Variants in EPS8 observed in about 807,000 individuals in gnomAD.
EPS8 encodes the protein epidermal growth factor receptor kinase substrate 8.
In EPS8, 42 loss-of-function variants were observed where a neutral mutation model predicts 103.8. The ratio of observed to expected loss-of-function variants is 0.40; its 90% CI spans 0.32 to 0.52. The LOEUF (loss-of-function observed/expected upper bound fraction) is 0.52. Ranked by LOEUF, EPS8 falls within the 20% of genes least tolerant of loss-of-function variation. The probability of loss-of-function intolerance (pLI) is 0.40; values close to 1 mark genes in which losing one functional copy is unlikely to be tolerated. For missense variants in EPS8, 969 were observed against 1,005.1 expected, an observed-to-expected ratio of 0.96 and a Z score of 0.49; for synonymous variants, 344 against 344.6, an observed-to-expected ratio of 1.00 and a Z score of 0.02.
At chr12:15,775,072 G>T (rs1385593555) in intron 1 of EPS8, among the ~76,000 whole-genome samples, 1 of 152,076 alleles carries the variant, frequency 6.6e-6, no homozygotes, top group African/African-American at 2.4e-5. Context: ...AGGTGTGTTA[G>T]AATGCGCTTG....
intron 3 of EPS8, among the ~76,000 whole-genome samples, chr12:15,674,312 A>G (rs57482407): frequency 0.023 from 3,493 of 152,328 alleles, 140 homozygotes; most frequent in African/African-American, 0.079. Flanking sequence ...GAAAAAAGTA[A>G]CATAAAAGCA....
rs949651587 is a variant in EPS8 at position 15,693,354 on chromosome 12, G to A, written c.-21-10382C>T. 2.0e-5 allele frequency among the ~76,000 whole-genome samples: 3 copies of A among 152,112 alleles called. No homozygotes were observed. The highest frequency in any genetic ancestry group is 7.2e-5 in the African/African-American group (3 of 41,416). On this transcript the variant is annotated intron_variant, in intron 1 of 20. Transcript: ENST00000281172. The surrounding 1 kb of genome is among the most constrained non-coding windows in gnomAD (Gnocchi z 5.6). ...TGTCTGTACCTTGGTATCCCCAACC[G>A]AGTTCTCTAGTTCACATTCTCCACA...
chr12:15,719,792 A>C (rs950686457), intron 1 of EPS8, among the ~76,000 whole-genome samples: 2 of 152,162 alleles, frequency 1.3e-5, no homozygotes, highest in Non-Finnish European at 2.9e-5. Flanking sequence ...CCAAGTCTTA[A>C]TCTTTATTTA....
intron 1 of EPS8, among the ~76,000 whole-genome samples, chr12:15,737,527 T>G (rs555360360): frequency 6.6e-6 from 1 of 152,184 alleles, no homozygotes; most frequent in African/African-American, 2.4e-5. Context: ...CTAATGTATA[T>G]GAACTCATTT....
intron 1 of EPS8, among the ~76,000 whole-genome samples, chr12:15,766,427 A>G (rs1004184764): frequency 2.6e-5 from 4 of 151,628 alleles, no homozygotes; most frequent in African/African-American, 9.7e-5. Flanking sequence ...CAGGAGGCGA[A>G]GGTTGCAGTG....
chr12:15,648,111 C>T (rs766961838), intron 14 of EPS8, among the ~76,000 whole-genome samples: 1 of 152,226 alleles, frequency 6.6e-6, no homozygotes, highest in Non-Finnish European at 1.5e-5. Flanking sequence ...CTGCTGCTCA[C>T]CTCCTGCAGT....
At chr12:15,665,639 T>C in intron 8 of EPS8, 117 bp downstream of exon 8, 1 of 1,334,096 alleles carries the variant, frequency 7.5e-7, no homozygotes, top group Non-Finnish European at 1.1e-6. Context: ...CCAGAGTTGA[T>C]TTTTTAAAAA....
At chr12:15,689,855 T>G (rs754941021) in intron 1 of EPS8, among the ~76,000 whole-genome samples, 4 of 152,198 alleles carry the variant, frequency 2.6e-5, no homozygotes, top group Admixed American at 6.5e-5. Context: ...AGGATGGTAG[T>G]TAGCAGAGGC....
chr12:15,705,036 T>C lies in EPS8; in HGVS notation c.-21-22064A>G, dbSNP rs533458611. ...ACATTGTATTCTACTTTAATAAAGATCAAGAAACACAATCTCTAATTTACA... is the reference window on the plus strand; with the variant it reads ...ACATTGTATTCTACTTTAATAAAGACCAAGAAACACAATCTCTAATTTACA... On this transcript the variant is annotated intron_variant, in intron 1 of 20. Transcript: ENST00000281172. 3.9e-5 allele frequency among the ~76,000 whole-genome samples: 6 copies of C among 152,272 alleles called. No homozygotes were observed. The East Asian group carries it at 1.2e-3, about 29-fold the overall frequency.
chr12:15,662,138 TCCCA>T (rs1945616718), intron 8 of EPS8, 39 bp from the exon 9 acceptor site: 3 of 1,583,198 alleles, frequency 1.9e-6, no homozygotes, highest in Non-Finnish European at 2.6e-6. Flanking sequence ...AATCTTTTAC[TCCCA>T]CAATACCAAT....
At position 15,688,240 on chromosome 12, in the gene EPS8, G is replaced by A. The variant is rs1374176948; in HGVS notation, c.-21-5268C>T. Among the ~76,000 whole-genome samples, 1 of 152,150 alleles carries A rather than the reference G, an allele frequency of 6.6e-6. No individual in the cohort carries two copies. The highest frequency in any genetic ancestry group is 2.4e-5 in the African/African-American group (1 of 41,426). Reference sequence around the variant, plus strand: ...ATCCTTAAAACAACATTATCAGCTAGTTATTGGCTCTATTTTATGGGTGAG... The same window carrying A: ...ATCCTTAAAACAACATTATCAGCTAATTATTGGCTCTATTTTATGGGTGAG... On this transcript the variant is annotated intron_variant, in intron 1 of 20. Coordinates refer to ENST00000281172, the MANE Select transcript of EPS8 (RefSeq NM_004447.6). The surrounding 1 kb of genome is among the most constrained non-coding windows in gnomAD (Gnocchi z 5.1).
At chr12:15,756,500 T>G (rs374588554) in intron 1 of EPS8, among the ~76,000 whole-genome samples, 43 of 152,266 alleles carry the variant, frequency 2.8e-4, no homozygotes, top group East Asian at 1.3e-3. Flanking sequence ...CTTTAAAGGC[T>G]CTATATAGTT....
chr12:15,778,458 G>C lies in EPS8; in HGVS notation c.-22+10703C>G, dbSNP rs1041210327. Among the ~76,000 whole-genome samples the C allele has an allele frequency of 7.9e-5, 12 of 152,066 alleles. No homozygotes were observed. The highest frequency in any genetic ancestry group is 2.7e-4 in the African/African-American group (11 of 41,412). On this transcript the variant is annotated intron_variant, in intron 1 of 20. Coordinates refer to ENST00000281172, the MANE Select transcript of EPS8 (RefSeq NM_004447.6). This position sits in a 1 kb window ranked among gnomAD's most constrained non-coding sequence, Gnocchi z 4.5. Reference sequence around the variant, plus strand: ...CTACTGACAAAATTAATGTTCTCTCGACTAAAAGGATCTTGATGTGCAAAA... The same window carrying C: ...CTACTGACAAAATTAATGTTCTCTCCACTAAAAGGATCTTGATGTGCAAAA...
chr12:15,624,608 T>C (rs1402232323), intron 18 of EPS8, among the ~76,000 whole-genome samples: 1 of 152,196 alleles, frequency 6.6e-6, no homozygotes, highest in Non-Finnish European at 1.5e-5. Context: ...CTCTAGTCTC[T>C]TCATTGTACT....
chr12:15,687,010 A>G (rs2135902730), intron 1 of EPS8, among the ~76,000 whole-genome samples: 1 of 152,274 alleles, frequency 6.6e-6, no homozygotes, highest in Admixed American at 6.5e-5. Context: ...AGTTACAACC[A>G]AGTGGGAGGG....
chr12:15,654,318 CAAG>C, intron 12 of EPS8, 25 bp from the exon 13 acceptor site: 4 of 1,606,696 alleles, frequency 2.5e-6, no homozygotes, highest in Non-Finnish European at 3.4e-6. Context: ...CATTTTTTAG[CAAG>C]AAGATTACTA....
At position 15,721,127 on chromosome 12, in the gene EPS8, A is replaced by C. The variant is rs1946590210; in HGVS notation, c.-21-38155T>G. 6.6e-6 allele frequency among the ~76,000 whole-genome samples: 1 copy of C among 152,222 alleles called. No homozygotes were observed. The highest frequency in any genetic ancestry group is 2.4e-5 in the African/African-American group (1 of 41,464). Reference sequence around the variant, plus strand: ...CTTAGTACAATAGTTGGCACATAATAGGTGAAGGCAATCAAAAATATGTCC... The same window carrying C: ...CTTAGTACAATAGTTGGCACATAATCGGTGAAGGCAATCAAAAATATGTCC... On this transcript the variant is annotated intron_variant, in intron 1 of 20. Coordinates refer to ENST00000281172, the MANE Select transcript of EPS8 (RefSeq NM_004447.6). The surrounding 1 kb of genome is among the most constrained non-coding windows in gnomAD (Gnocchi z 4.4).
intron 18 of EPS8, among the ~76,000 whole-genome samples, chr12:15,624,653 C>CT (rs922441629): frequency 1.3e-5 from 2 of 152,222 alleles, no homozygotes; most frequent in Non-Finnish European, 2.9e-5. Context: ...TTAAACCTAA[C>CT]TTTCTGCGTA....
intron 17 of EPS8, among the ~76,000 whole-genome samples, chr12:15,639,801 T>C (rs1337433229): frequency 2.0e-5 from 3 of 152,224 alleles, no homozygotes; most frequent in Admixed American, 2.0e-4. Context: ...ATTAACTATT[T>C]CACTGCATAT....
Sources: gnomAD v4.1 joint callset for allele counts (sites outside exome capture counted in the v4.1 genomes callset) on GRCh38, gnomAD v4.1.1 for gene constraint, Gnocchi (gnomAD v3.1) non-coding constraint, MANE v1.5 for transcripts, NCBI Gene and HGNC (gene_info 2026-07-23, HGNC 2026-07-21) for gene names.